The following KIF13A variants were observed in gnomAD, a reference collection of about 807,000 sequenced individuals.
The protein encoded by KIF13A is kinesin family member 13A.
In KIF13A, 79 loss-of-function variants were observed where a neutral mutation model predicts 212.2. The ratio of observed to expected loss-of-function variants is 0.37; its 90% confidence interval spans 0.31 to 0.45. The LOEUF (loss-of-function observed/expected upper bound fraction) is 0.45. KIF13A is among the 20% of genes least tolerant of loss of function. The pLI is 1.00. For synonymous variants in KIF13A, 789 were observed against 808.6 expected (o/e 0.98, Z 0.41); for missense variants, 1,901 against 2,209.0 (o/e 0.86, Z 2.79).
intron 12 of KIF13A, 43 bp from the exon 13 acceptor site, chr6:17,831,278 T>C (rs988072747): frequency 6.3e-7 from 1 of 1,593,004 alleles, no homozygotes; most frequent in South Asian, 1.2e-5. Flanking sequence ...CTGTTTGTTG[T>C]TCTATTCACA....
In KIF13A at chr6:17,871,359, A is replaced by T. The variant is rs1431637100; in HGVS notation, c.220+2018T>A. 6.6e-6 allele frequency among the ~76,000 whole-genome samples: 1 copy of T among 151,948 alleles called. No homozygotes were observed. Among genetic ancestry groups the T allele is most frequent in the African/African-American group, 2.4e-5 (1 of 41,360 alleles). ...TGGTGCCTTTTCTCTTTCTCTTTAA[A>T]ATCTGGTGCCTTTCCAGATTTTATC... On this transcript the variant is annotated intron_variant, in intron 4 of 38. Coordinates refer to ENST00000259711, the MANE Select transcript of KIF13A (RefSeq NM_022113.6). The surrounding 1 kb of genome is among the most constrained non-coding windows in gnomAD (Gnocchi z 4.4).
Position 17,783,991 on chromosome 6 carries a change from G to A in KIF13A, c.3489-290C>T, listed in dbSNP as rs1760831896. Among the ~76,000 whole-genome samples, 1 of 152,216 alleles carries A rather than the reference G, an allele frequency of 6.6e-6. No individual in the cohort carries two copies. Among genetic ancestry groups the A allele is most frequent in the African/African-American group, 2.4e-5 (1 of 41,454 alleles). On this transcript the variant is annotated intron_variant, in intron 28 of 38. Coordinates refer to ENST00000259711, the MANE Select transcript of KIF13A (RefSeq NM_022113.6). The surrounding 1 kb of genome is among the most constrained non-coding windows in gnomAD (Gnocchi z 4.3). ...ATGAGAGGTAAAGGGAAGGGGGGAT[G>A]TTGTTAGGGTGGTAACGGGACAGGA...
At chr6:17,852,129 C>G in intron 6 of KIF13A, 87 bp from the exon 7 acceptor site, 1 of 587,924 alleles carries the variant, frequency 1.7e-6, no homozygotes, top group Non-Finnish European at 2.7e-6. Flanking sequence ...ACTAAGATAA[C>G]AATTTCAAAA....
intron 2 of KIF13A, among the ~76,000 whole-genome samples, chr6:17,937,754 T>TG (rs995022350): frequency 6.8e-4 from 84 of 123,746 alleles, no homozygotes; most frequent in African/African-American, 9.3e-4. Flanking sequence ...TTGTTTTTTT[T>TG]TTTTTGTTTT....
chr6:17,929,304 A>C (rs1775785418), intron 2 of KIF13A, among the ~76,000 whole-genome samples: 1 of 152,090 alleles, frequency 6.6e-6, no homozygotes, highest in African/African-American at 2.4e-5. Flanking sequence ...CAGTGGCGCC[A>C]TCATAGCTCA....
chr6:17,903,726 A>G (rs1773250620), intron 2 of KIF13A, among the ~76,000 whole-genome samples: 1 of 152,190 alleles, frequency 6.6e-6, no homozygotes, highest in South Asian at 2.1e-4. Context: ...GATGTGGGCC[A>G]TTTCTAATAG....
intron 2 of KIF13A, among the ~76,000 whole-genome samples, chr6:17,928,282 G>C (rs888031362): frequency 6.6e-6 from 1 of 152,132 alleles, no homozygotes; most frequent in African/African-American, 2.4e-5. Flanking sequence ...TATTTTTGGG[G>C]TTTATTTTCT....
In KIF13A at chr6:17,789,897, T is replaced by C. The variant is rs1181135084; in HGVS notation, c.3236A>G (p.Asp1079Gly). The C allele has an allele frequency of 2.5e-6, 4 of 1,613,126 alleles. No homozygotes were observed. The highest frequency in any genetic ancestry group is 3.4e-6 in the Non-Finnish European group (4 of 1,179,330). ...CTGATAACTATCCATATCATCACCATCCTCATCATCTCTCTGGTAGGAAAA... is the reference window on the plus strand; with the variant it reads ...CTGATAACTATCCATATCATCACCACCCTCATCATCTCTCTGGTAGGAAAA... ...GLDSYQRDDE[D>G]GDDMDSYQEE... is the part of the protein sequence containing the mutation. The change falls in exon 26 of 39, where the codon GAT becomes GGT. Residue 1079 changes from aspartate (D) to glycine (G), a missense_variant. This residue lies in a region of KIF13A where 168 missense variants were observed against 250.9 expected (regional missense o/e 0.67). Transcript: ENST00000259711. This position sits in a 1 kb window ranked among gnomAD's most constrained non-coding sequence, Gnocchi z 4.8.
At chr6:17,940,124 C>G (rs6919167) in intron 2 of KIF13A, among the ~76,000 whole-genome samples, 2 of 150,738 alleles carry the variant, frequency 1.3e-5, no homozygotes, top group Admixed American at 6.6e-5. Flanking sequence ...GGAATTTACT[C>G]TATATGGAAG....
In KIF13A at chr6:17,918,387, AT is replaced by A. The variant is rs777899884; in HGVS notation, c.147-20208del. On this transcript the variant is annotated intron_variant, in intron 2 of 38. Coordinates refer to ENST00000259711, the MANE Select transcript of KIF13A (RefSeq NM_022113.6). This position sits in a 1 kb window ranked among gnomAD's most constrained non-coding sequence, Gnocchi z 4.8. ...ACAAGTTGTACTTAAACGGCAGCCT[AT>A]TTTTACATAAATAACAGTTACATTT... Among the ~76,000 whole-genome samples the A allele has an allele frequency of 2.4e-4, 36 of 152,144 alleles. No homozygotes were observed. The highest frequency in any genetic ancestry group is 3.8e-4 in the Non-Finnish European group (26 of 68,018).
chr6:17,778,899 G>A, intron 33 of KIF13A, 48 bp downstream of exon 33: 1 of 1,544,964 alleles, frequency 6.5e-7, no homozygotes, highest in East Asian at 2.4e-5. Flanking sequence ...GTCCATTGGG[G>A]GTGAAGGCTG....
chr6:17,895,435 G>A lies in KIF13A; in HGVS notation c.159+2733C>T, dbSNP rs952608552. 2.6e-5 allele frequency among the ~76,000 whole-genome samples: 4 copies of A among 152,116 alleles called. No homozygotes were observed. Among genetic ancestry groups the A allele is most frequent in the African/African-American group, 9.7e-5 (4 of 41,424 alleles). ...GGTGCCTATGGGCACCTGCATTCTG[G>A]TATCACTTTGTTCCAATTTTTGTGC... On this transcript the variant is annotated intron_variant, in intron 3 of 38. Transcript: ENST00000259711. The surrounding 1 kb of genome is among the most constrained non-coding windows in gnomAD (Gnocchi z 4.4).
rs977884844 is a variant in KIF13A, at chr6:17,768,833, T to C, written c.4581+2281A>G. 6.6e-6 allele frequency among the ~76,000 whole-genome samples: 1 copy of C among 152,258 alleles called. No homozygotes were observed. The highest frequency in any genetic ancestry group is 1.5e-5 in the Non-Finnish European group (1 of 68,054). On this transcript the variant is annotated intron_variant, in intron 38 of 38. Coordinates refer to ENST00000259711, the MANE Select transcript of KIF13A (RefSeq NM_022113.6). This position sits in a 1 kb window ranked among gnomAD's most constrained non-coding sequence, Gnocchi z 5.4. ...CTGACTTTCTTTCTGCTATTCTCTA[T>C]GCTTTATGACTTAAAAAGACAGACT...
intron 16 of KIF13A, among the ~76,000 whole-genome samples, chr6:17,823,159 C>T (rs962629858): frequency 6.6e-6 from 1 of 151,892 alleles, no homozygotes; most frequent in Non-Finnish European, 1.5e-5. Context: ...GCCTCAGCTT[C>T]CTGGGTAGCT....
At chr6:17,781,963 G>T (rs530032104) in intron 29 of KIF13A, among the ~76,000 whole-genome samples, 1 of 152,014 alleles carries the variant, frequency 6.6e-6, no homozygotes, top group East Asian at 1.9e-4. Flanking sequence ...TTGAGATGGA[G>T]TCCCGCTCTG....
rs781132977 is a variant in KIF13A at position 17,850,486 on chromosome 6, T to C, written c.583-29A>G. On this transcript the variant is annotated intron_variant, in intron 7 of 38. Coordinates refer to ENST00000259711, the MANE Select transcript of KIF13A (RefSeq NM_022113.6). The surrounding 1 kb of genome is among the most constrained non-coding windows in gnomAD (Gnocchi z 6.2). ...GGGGCAAAGCATAAGGAAAAGACCATAAGCAAAAACACAAGAATGTAGTCC... is the reference window on the plus strand; with the variant it reads ...GGGGCAAAGCATAAGGAAAAGACCACAAGCAAAAACACAAGAATGTAGTCC... 3.8e-6 allele frequency: 6 copies of C among 1,592,122 alleles called. No homozygotes were observed. The highest frequency in any genetic ancestry group is 1.3e-5 in the African/African-American group (1 of 74,436).
At chr6:17,935,448 G>A (rs138048912) in intron 2 of KIF13A, among the ~76,000 whole-genome samples, 40 of 152,200 alleles carry the variant, frequency 2.6e-4, no homozygotes, top group African/African-American at 9.2e-4. Context: ...GACACATCCT[G>A]CGCTCTCTTG....
At position 17,794,724 on chromosome 6, in the gene KIF13A, C is replaced by A. The variant is rs1185786870; in HGVS notation, c.2943-20G>T. On this transcript the variant is annotated intron_variant, in intron 23 of 38. Coordinates refer to ENST00000259711, the MANE Select transcript of KIF13A (RefSeq NM_022113.6). This position sits in a 1 kb window ranked among gnomAD's most constrained non-coding sequence, Gnocchi z 4.1. ...TTCCACCTGCAGAAACACATTCCAA[C>A]AAGCAAGAGCGTCATCGTCCAGGGA... 2 of 1,600,256 alleles carry A rather than the reference C, an allele frequency of 1.2e-6. No individual in the cohort carries two copies. Among genetic ancestry groups the A allele is most frequent in the Admixed American group, 1.7e-5 (1 of 57,212 alleles).
intron 2 of KIF13A, among the ~76,000 whole-genome samples, chr6:17,939,087 G>A (rs1046655019): frequency 1.3e-5 from 2 of 152,104 alleles, no homozygotes; most frequent in Admixed American, 1.3e-4. Flanking sequence ...AGTATAAACA[G>A]AAACAAATTT....
Sources: gnomAD v4.1 joint callset for allele counts (sites outside exome capture counted in the v4.1 genomes callset) on GRCh38, gnomAD v4.1.1 for gene constraint, gnomAD v4.1.1 regional missense constraint, Gnocchi (gnomAD v3.1) non-coding constraint, MANE v1.5 for transcripts, NCBI Gene and HGNC (gene_info 2026-07-23, HGNC 2026-07-21) for gene names.